The following TNFRSF19 variants were observed in gnomAD, a reference collection of about 807,000 sequenced individuals.
TNFRSF19 encodes TNF receptor superfamily member 19, also known as tumor necrosis factor receptor superfamily member 19.
Under a neutral mutation model 46.4 loss-of-function variants are expected in TNFRSF19, and 27 were observed. The ratio of observed to expected loss-of-function variants is 0.58; its 90% CI spans 0.43 to 0.80. TNFRSF19 has a LOEUF of 0.80. Among genes scored for constraint, TNFRSF19 ranks in the 30% least tolerant of loss-of-function variants. The pLI, the probability that TNFRSF19 is intolerant of heterozygous loss-of-function variation, is 0.00. For synonymous variants in TNFRSF19, 204 were observed against 205.0 expected, an observed-to-expected ratio of 1.00 and a Z score of 0.04; for missense variants, 511 against 530.8, an observed-to-expected ratio of 0.96 and a Z score of 0.37.
Position 23,660,379 on chromosome 13 carries a change from C to G in TNFRSF19, c.625C>G (p.Gln209Glu). Residue 209 changes from glutamine to glutamate, a missense_variant, in exon 7 of 10, where the codon CAG (glutamine) becomes GAG (glutamate). By Grantham distance (29) the Gln-to-Glu change is conservative. Transcript: ENST00000248484. ...EKKPSWSLRS[Q>E]DIQYNGSELS... is the part of the protein sequence containing the mutation. ...CCCTCATTTAGGGTCTCTGCGGTCA[C>G]AGGACATTCAGTACAACGGCTCTGA... 6.2e-7 allele frequency: 1 copy of G among 1,613,750 alleles called. No individual in the cohort carries two copies. The highest frequency in any genetic ancestry group is 8.5e-7 in the Non-Finnish European group (1 of 1,179,880).
At chr13:23,643,302 T>C (rs1470468223) in intron 5 of TNFRSF19, among the ~76,000 whole-genome samples, 2 of 152,246 alleles carry the variant, frequency 1.3e-5, no homozygotes, top group Admixed American at 6.5e-5. Flanking sequence ...CATGTTTTGA[T>C]GAAAGCTCTT....
At chr13:23,655,219 C>A (rs927344517) in intron 5 of TNFRSF19, among the ~76,000 whole-genome samples, 1 of 152,094 alleles carries the variant, frequency 6.6e-6, no homozygotes, top group South Asian at 2.1e-4. Context: ...ATGTCGTACT[C>A]GTAATAGACA....
intron 5 of TNFRSF19, among the ~76,000 whole-genome samples, chr13:23,657,478 C>T (rs1884055766): frequency 6.6e-6 from 1 of 152,158 alleles, no homozygotes; most frequent in South Asian, 2.1e-4. Flanking sequence ...CCATTAGCCA[C>T]ATGTGGCTAC....
chr13:23,598,081 G>A (rs1879868232), intron 3 of TNFRSF19, among the ~76,000 whole-genome samples: 2 of 152,186 alleles, frequency 1.3e-5, no homozygotes, highest in African/African-American at 4.8e-5. Flanking sequence ...ACTAGGTATT[G>A]ATTGAATGTA....
intron 5 of TNFRSF19, among the ~76,000 whole-genome samples, chr13:23,631,864 C>A (rs1898628756): frequency 6.6e-6 from 1 of 152,188 alleles, no homozygotes; most frequent in South Asian, 2.1e-4. Flanking sequence ...AAGAAGCCAG[C>A]TCTTGGTATC....
chr13:23,591,599 C>T (rs1879294230), intron 2 of TNFRSF19, among the ~76,000 whole-genome samples: 1 of 152,018 alleles, frequency 6.6e-6, no homozygotes, highest in African/African-American at 2.4e-5. Context: ...TAATTTCTTT[C>T]TCTTTACGGT....
At chr13:23,666,414 T>C (rs1021992050) in intron 7 of TNFRSF19, among the ~76,000 whole-genome samples, 1 of 152,224 alleles carries the variant, frequency 6.6e-6, no homozygotes, top group Non-Finnish European at 1.5e-5. Flanking sequence ...ACTTTCGTTC[T>C]CCATTTATGT....
chr13:23,644,162 A>C (rs900675660), intron 5 of TNFRSF19, among the ~76,000 whole-genome samples: 4 of 152,236 alleles, frequency 2.6e-5, no homozygotes, highest in Non-Finnish European at 4.4e-5. Flanking sequence ...TGTATTTATA[A>C]ACCAATGTTG....
At chr13:23,636,398 A>G (rs972324614) in intron 5 of TNFRSF19, among the ~76,000 whole-genome samples, 3 of 152,194 alleles carry the variant, frequency 2.0e-5, no homozygotes, top group African/African-American at 7.2e-5. Flanking sequence ...ATGCTAGTCT[A>G]GATATTAATG....
At chr13:23,602,263 A>C (rs1045437410) in intron 3 of TNFRSF19, among the ~76,000 whole-genome samples, 1 of 152,178 alleles carries the variant, frequency 6.6e-6, no homozygotes, top group African/African-American at 2.4e-5. Flanking sequence ...GACAGATGTC[A>C]GGGATAAAGA....
intron 5 of TNFRSF19, among the ~76,000 whole-genome samples, chr13:23,638,658 C>G (rs1246696567): frequency 6.6e-6 from 1 of 152,176 alleles, no homozygotes; most frequent in African/African-American, 2.4e-5. Context: ...GCCGTCAGCC[C>G]CTGTAGCAGC....
intron 5 of TNFRSF19, among the ~76,000 whole-genome samples, chr13:23,634,316 A>G (rs927668056): frequency 2.1e-4 from 32 of 152,332 alleles, no homozygotes; most frequent in African/African-American, 7.2e-4. Context: ...TTCTGAGAAC[A>G]GTAGCAGTTG....
chr13:23,654,711 A>G (rs1259619253), intron 5 of TNFRSF19, among the ~76,000 whole-genome samples: 1 of 152,208 alleles, frequency 6.6e-6, no homozygotes, highest in East Asian at 1.9e-4. Context: ...AGTGCGGTCT[A>G]CTAGAGGGGC....
intron 5 of TNFRSF19, among the ~76,000 whole-genome samples, chr13:23,646,677 T>C (rs4770472): frequency 0.75 from 113,738 of 152,156 alleles, 42,756 homozygotes; most frequent in Admixed American, 0.79. Flanking sequence ...TTTTGTTAAC[T>C]AGTCATCTGC....
At chr13:23,609,134 C>T (rs1353123956) in intron 3 of TNFRSF19, among the ~76,000 whole-genome samples, 4 of 152,134 alleles carry the variant, frequency 2.6e-5, no homozygotes, top group Non-Finnish European at 4.4e-5. Flanking sequence ...TATGACAGGT[C>T]GCTGAGCCAT....
In TNFRSF19 at chr13:23,626,612, C is replaced by T. The variant is rs536274443; in HGVS notation, c.360-95C>T. On this transcript the variant is annotated intron_variant, in intron 4 of 9. Coordinates refer to ENST00000248484, the MANE Select transcript of TNFRSF19 (RefSeq NM_148957.4). ...ATTTAAGCCTCTGTGTACTTTTAAC[C>T]GTAGAACTGGTAATGGAGACTGCTG... The T allele has an allele frequency of 1.5e-5, 18 of 1,175,896 alleles. 1 individual carries two copies. Among genetic ancestry groups the T allele is most frequent in the South Asian group, 1.1e-4 (8 of 72,492 alleles). 72.8% of individuals were successfully genotyped at this position (1,175,896 alleles called of 1,614,324 possible).
intron 7 of TNFRSF19, among the ~76,000 whole-genome samples, chr13:23,667,714 C>T (rs997618889): frequency 1.3e-5 from 2 of 152,168 alleles, no homozygotes; most frequent in Non-Finnish European, 2.9e-5. Flanking sequence ...CTCCATTAAA[C>T]AGCAGCTCCT....
chr13:23,571,256 T>C (rs1877617675), intron 1 of TNFRSF19, among the ~76,000 whole-genome samples: 1 of 152,262 alleles, frequency 6.6e-6, no homozygotes, highest in African/African-American at 2.4e-5. Flanking sequence ...GCTTTCTTTG[T>C]TTTCTTATAT....
At chr13:23,578,768 G>A (rs1397520251) in intron 1 of TNFRSF19, among the ~76,000 whole-genome samples, 1 of 152,264 alleles carries the variant, frequency 6.6e-6, no homozygotes, top group Non-Finnish European at 1.5e-5. Flanking sequence ...CCCCGGCCCT[G>A]GCCCCGCCTC....
Sources: allele counts gnomAD v4.1 joint callset (sites outside exome capture counted in the v4.1 genomes callset), GRCh38; gene constraint gnomAD v4.1.1; transcripts MANE v1.5; gene names NCBI Gene and HGNC (gene_info 2026-07-23, HGNC 2026-07-21).